The following SPTLC2 variants were observed in gnomAD, a reference collection of about 807,000 sequenced individuals.
The protein encoded by SPTLC2 is serine palmitoyltransferase long chain base subunit 2, also known as serine palmitoyltransferase 2.
SPTLC2 carries 21 observed loss-of-function variants against 62.0 expected under a neutral mutation model. That is an observed-to-expected ratio of 0.34 (90% CI 0.24 to 0.49). The LOEUF is 0.49. Ranked by LOEUF, SPTLC2 falls within the 20% of genes least tolerant of loss-of-function variation. The pLI, the probability that SPTLC2 is intolerant of heterozygous loss-of-function variation, is 0.99. For synonymous variants in SPTLC2, 261 were observed against 261.8 expected, an observed-to-expected ratio of 1.00 and a Z score of 0.03; for missense variants, 511 against 713.0, an observed-to-expected ratio of 0.72 and a Z score of 3.23.
intron 6 of SPTLC2, among the ~76,000 whole-genome samples, chr14:77,557,789 T>C (rs2079592862): frequency 6.6e-6 from 1 of 152,174 alleles, no homozygotes; most frequent in African/African-American, 2.4e-5. Flanking sequence ...CAGTTGTCCA[T>C]AAACAACCAA....
Position 77,581,600 on chromosome 14 carries a change from C to T in SPTLC2, c.328-2491G>A, listed in dbSNP as rs2079751510. Reference sequence around the variant, plus strand: ...TAATTTTTTGTATTTTTATTAAAGACGGGGTTTCACTATGTTGGCCAGGTT... The same window carrying T: ...TAATTTTTTGTATTTTTATTAAAGATGGGGTTTCACTATGTTGGCCAGGTT... On this transcript the variant is annotated intron_variant, in intron 2 of 11. Transcript: ENST00000216484. Among the ~76,000 whole-genome samples the T allele has an allele frequency of 2.0e-5, 3 of 151,428 alleles. 1 individual carries two copies. In the South Asian group the frequency reaches 6.3e-4, roughly 32 times the overall value.
chr14:77,552,070 A>T (rs752608093), intron 9 of SPTLC2, 26 bp downstream of exon 9: 7 of 1,613,348 alleles, frequency 4.3e-6, no homozygotes, highest in Non-Finnish European at 5.9e-6. Context: ...GGACTTATGC[A>T]ATGTTTCAAG....
chr14:77,600,257 A>C (rs760976379), intron 1 of SPTLC2, among the ~76,000 whole-genome samples: 12 of 152,238 alleles, frequency 7.9e-5, no homozygotes, highest in Non-Finnish European at 1.5e-4. Flanking sequence ...TAAAGAATTT[A>C]GGTTCAACTA....
intron 1 of SPTLC2, among the ~76,000 whole-genome samples, chr14:77,611,558 G>A (rs923935546): frequency 3.9e-5 from 6 of 152,142 alleles, no homozygotes; most frequent in Admixed American, 3.3e-4. Context: ...AGGCGTGGTG[G>A]CTCACGCCTG....
At chr14:77,595,656 A>C (rs1023159321) in intron 2 of SPTLC2, among the ~76,000 whole-genome samples, 3 of 152,146 alleles carry the variant, frequency 2.0e-5, no homozygotes, top group African/African-American at 7.2e-5. Context: ...TTGTCTTCCT[A>C]GTAACTGACA....
chr14:77,507,255 C>G lies in SPTLC2; in HGVS notation c.*5029G>C, dbSNP rs562174205. On this transcript the variant is annotated 3_prime_UTR_variant, in exon 12 of 12. Coordinates refer to ENST00000216484, the MANE Select transcript of SPTLC2 (RefSeq NM_004863.4). ...TCATTGGCTAGCACTAGCATTTATTCTGTGTGATAGGGAAGCCAGCCCTCT... is the reference window on the plus strand; with the variant it reads ...TCATTGGCTAGCACTAGCATTTATTGTGTGTGATAGGGAAGCCAGCCCTCT... 3 of 151,876 alleles carry G rather than the reference C, an allele frequency of 2.0e-5. No homozygotes were observed. The highest frequency in any genetic ancestry group is 1.9e-4 in the East Asian group (1 of 5,174). The allele number at this position is 151,876 out of a possible 1,614,324, so 9.4% of individuals were successfully genotyped here. A position where few individuals can be genotyped will look rare whatever the true frequency, so the allele number is the denominator to read the frequency against.
intron 9 of SPTLC2, among the ~76,000 whole-genome samples, chr14:77,548,073 T>G (rs1392231999): frequency 6.6e-6 from 1 of 152,120 alleles, no homozygotes; most frequent in Non-Finnish European, 1.5e-5. Flanking sequence ...AGTAGCTGCC[T>G]GCAAGGACCC....
intron 1 of SPTLC2, among the ~76,000 whole-genome samples, chr14:77,612,619 C>T (rs2079943988): frequency 6.6e-6 from 1 of 152,174 alleles, no homozygotes; most frequent in South Asian, 2.1e-4. Flanking sequence ...ACTGTTCTAG[C>T]CTCATAACTA....
intron 1 of SPTLC2, among the ~76,000 whole-genome samples, chr14:77,606,314 A>G (rs1453218415): frequency 6.6e-6 from 1 of 152,204 alleles, no homozygotes. Flanking sequence ...CCTGGGCAAC[A>G]GAGCGAGACT....
chr14:77,610,291 A>G (rs2079928254), intron 1 of SPTLC2, among the ~76,000 whole-genome samples: 1 of 151,970 alleles, frequency 6.6e-6, no homozygotes. Context: ...ATAGGCACAC[A>G]CCACCACACC....
At chr14:77,577,914 G>A (rs1340624108) in intron 3 of SPTLC2, among the ~76,000 whole-genome samples, 1 of 151,428 alleles carries the variant, frequency 6.6e-6, no homozygotes, top group African/African-American at 2.5e-5. Context: ...GGAGGCCAAG[G>A]TGGGCAGATC....
At chr14:77,524,768 C>G (rs1430197027) in intron 9 of SPTLC2, among the ~76,000 whole-genome samples, 1 of 151,802 alleles carries the variant, frequency 6.6e-6, no homozygotes, top group Non-Finnish European at 1.5e-5. Flanking sequence ...AGACACGTAT[C>G]GCATGTTCTG....
At chr14:77,539,483 CTTTTTTTT>C (rs71128638) in intron 9 of SPTLC2, among the ~76,000 whole-genome samples, 3,341 of 53,722 alleles carry the variant, frequency 0.062, 172 homozygotes, top group African/African-American at 0.19. Flanking sequence ...TCTTAAGAGG[CTTTTTTTT>C]TTTTTTTTTT....
chr14:77,512,257 G>A lies in SPTLC2; in HGVS notation c.*27C>T. On this transcript the variant is annotated 3_prime_UTR_variant, in exon 12 of 12. Transcript: ENST00000216484. The stretch of plus-strand genomic sequence containing the variant: ...CACAGGCTGTCCTGGGTGAGGGAGA[G>A]TTCCTCTGAGGGAGCACCAAAAAGG... 7 of 1,613,136 alleles carry A rather than the reference G, an allele frequency of 4.3e-6. No homozygotes were observed. The highest frequency in any genetic ancestry group is 5.9e-6 in the Non-Finnish European group (7 of 1,179,992).
chr14:77,616,499 G>A lies in SPTLC2; in HGVS notation c.81C>T (p.Asn27=), dbSNP rs751595983. Residue 27 remains asparagine, a synonymous_variant, in exon 1 of 12, where the codon AAC becomes AAT. Coordinates refer to ENST00000216484, the MANE Select transcript of SPTLC2 (RefSeq NM_004863.4). The part of the protein sequence containing the change: ...NGCVANGEVR[N]GYVRSSAAAA... ...CTGCAGCGCTGCTCCTCACGTACCC[G>A]TTCCGTACTTCCCCGTTCGCCACGC... 6 of 1,533,504 alleles carry A rather than the reference G, an allele frequency of 3.9e-6. No individual in the cohort carries two copies. Among genetic ancestry groups the A allele is most frequent in the South Asian group, 3.6e-5 (3 of 83,906 alleles). The allele number at this position is 1,533,504 out of a possible 1,614,324, so 95.0% of individuals were successfully genotyped here. A position where few individuals can be genotyped will look rare whatever the true frequency, so the allele number is the denominator to read the frequency against.
chr14:77,583,155 G>A (rs1042938612), intron 2 of SPTLC2, among the ~76,000 whole-genome samples: 1 of 151,246 alleles, frequency 6.6e-6, no homozygotes, highest in Non-Finnish European at 1.5e-5. Flanking sequence ...AGCCAAGATC[G>A]GACCACTGCA....
chr14:77,556,151 C>A (rs1254252133), intron 7 of SPTLC2, among the ~76,000 whole-genome samples: 1 of 151,844 alleles, frequency 6.6e-6, no homozygotes, highest in East Asian at 1.9e-4. Flanking sequence ...AGTGAAACCC[C>A]GTCTCTACTA....
chr14:77,580,273 AG>A (rs2079741112), intron 2 of SPTLC2, among the ~76,000 whole-genome samples: 1 of 152,104 alleles, frequency 6.6e-6, no homozygotes, highest in South Asian at 2.1e-4. Flanking sequence ...TTGAAGTCTC[AG>A]GAGTTCAAGA....
At chr14:77,564,989 C>A (rs1224620119) in intron 5 of SPTLC2, among the ~76,000 whole-genome samples, 1 of 151,768 alleles carries the variant, frequency 6.6e-6, no homozygotes, top group Non-Finnish European at 1.5e-5. Context: ...CCTGTAATCC[C>A]AGCACTTTGG....
Sources: allele counts gnomAD v4.1 joint callset (sites outside exome capture counted in the v4.1 genomes callset), GRCh38; gene constraint gnomAD v4.1.1; transcripts MANE v1.5; gene names NCBI Gene and HGNC (gene_info 2026-07-23, HGNC 2026-07-21).